The following NMNAT2 variants were observed in gnomAD, a reference collection of about 807,000 sequenced individuals.
NMNAT2 encodes the protein nicotinamide nucleotide adenylyltransferase 2, also known as nicotinamide/nicotinic acid mononucleotide adenylyltransferase 2.
In NMNAT2, 11 loss-of-function variants were observed where a neutral mutation model predicts 41.6. That is an observed-to-expected ratio of 0.26 (90% CI 0.17 to 0.44). The LOEUF (loss-of-function observed/expected upper bound fraction) is 0.44. Among genes scored for constraint, NMNAT2 ranks in the 20% least tolerant of loss-of-function variants. The pLI is 1.00. For missense variants in NMNAT2, 288 were observed against 407.7 expected (o/e 0.71, Z 2.53); for synonymous variants, 148 against 151.2 (o/e 0.98, Z 0.16).
chr1:183,327,821 G>A, intron 1 of NMNAT2, among the ~76,000 whole-genome samples: 1 of 152,150 alleles, frequency 6.6e-6, no homozygotes, highest in Non-Finnish European at 1.5e-5. Context: ...GTGTGTATGT[G>A]TGTTTTTCCC....
At chr1:183,378,703 A>ATATCAATAATCATTTAAAATGTG (rs1663730331) in intron 1 of NMNAT2, among the ~76,000 whole-genome samples, 1 of 152,226 alleles carries the variant, frequency 6.6e-6, no homozygotes, top group Non-Finnish European at 1.5e-5. Flanking sequence ...TAATCCAATC[A>ATATCAATAATCATTTAAAATGTG]TATCAATAAT....
intron 1 of NMNAT2, 146 bp downstream of exon 1, chr1:183,418,037 G>A (rs946169): frequency 0.014 from 10,002 of 729,432 alleles, 339 homozygotes; most frequent in African/African-American, 0.1. Flanking sequence ...AGTCCAAAAT[G>A]AAGGGGCCGA....
At chr1:183,279,032 CAG>C (rs1302296199) in intron 7 of NMNAT2, among the ~76,000 whole-genome samples, 3 of 152,208 alleles carry the variant, frequency 2.0e-5, no homozygotes, top group Non-Finnish European at 4.4e-5. Context: ...CAAACGCCAA[CAG>C]AGTTTGGATT....
intron 8 of NMNAT2, among the ~76,000 whole-genome samples, chr1:183,273,912 C>G (rs932169369): frequency 1.6e-5 from 2 of 125,554 alleles, no homozygotes; most frequent in Non-Finnish European, 3.2e-5. Context: ...TCCTCCCTCC[C>G]TCCCTTCTTT....
intron 1 of NMNAT2, among the ~76,000 whole-genome samples, chr1:183,366,882 C>T (rs981291118): frequency 2.6e-5 from 4 of 152,136 alleles, no homozygotes; most frequent in Admixed American, 2.0e-4. Flanking sequence ...CCAAGCAAAA[C>T]CGGCTTATCT....
chr1:183,304,989 C>T (rs1571587278), intron 1 of NMNAT2: 17 of 695,066 alleles, frequency 2.4e-5, no homozygotes, highest in South Asian at 1.4e-4. Flanking sequence ...GGAGCCACTC[C>T]GGAAGTGTGG....
intron 8 of NMNAT2, among the ~76,000 whole-genome samples, chr1:183,274,101 T>C (rs558873085): frequency 5.7e-4 from 87 of 151,714 alleles, no homozygotes; most frequent in African/African-American, 2.1e-3. Flanking sequence ...TTAGTAGAGA[T>C]GGGGTTTTAC....
chr1:183,336,889 C>T (rs79366224), intron 1 of NMNAT2, among the ~76,000 whole-genome samples: 4,891 of 152,254 alleles, frequency 0.032, 213 homozygotes, highest in African/African-American at 0.097. Flanking sequence ...CAAAAGGATA[C>T]AATCTACTAC....
At chr1:183,319,294 G>T (rs1425851840) in intron 1 of NMNAT2, among the ~76,000 whole-genome samples, 1 of 152,194 alleles carries the variant, frequency 6.6e-6, no homozygotes, top group Non-Finnish European at 1.5e-5. Context: ...TGAAAGTCCT[G>T]CCCTGGAGGC....
intron 1 of NMNAT2, among the ~76,000 whole-genome samples, chr1:183,414,977 G>A (rs951650087): frequency 1.3e-5 from 2 of 151,136 alleles, no homozygotes; most frequent in African/African-American, 4.9e-5. Flanking sequence ...CTTAAAGAAA[G>A]CTTGAAAAAA....
chr1:183,268,912 T>C (rs553501347), intron 8 of NMNAT2, among the ~76,000 whole-genome samples: 3 of 151,850 alleles, frequency 2.0e-5, no homozygotes, highest in Non-Finnish European at 4.4e-5. Flanking sequence ...ATTAGCTGAG[T>C]GTGTTGGCAC....
At chr1:183,364,666 TCTTA>T (rs993767575) in intron 1 of NMNAT2, among the ~76,000 whole-genome samples, 6 of 150,352 alleles carry the variant, frequency 4.0e-5, no homozygotes, top group African/African-American at 7.3e-5. Flanking sequence ...TTTCTTTCTT[TCTTA>T]CTTTCTTTCT....
intron 1 of NMNAT2, among the ~76,000 whole-genome samples, chr1:183,366,915 G>A (rs1571622027): frequency 6.6e-6 from 1 of 152,240 alleles, no homozygotes; most frequent in African/African-American, 2.4e-5. Context: ...TCAGACATCA[G>A]CTTCACTGGG....
chr1:183,351,285 G>A (rs1663041473), intron 1 of NMNAT2, among the ~76,000 whole-genome samples: 1 of 152,214 alleles, frequency 6.6e-6, no homozygotes, highest in African/African-American at 2.4e-5. Flanking sequence ...CTGTTCCCTT[G>A]ATGCTAGACC....
chr1:183,263,955 G>A (rs1660736248), intron 8 of NMNAT2, among the ~76,000 whole-genome samples: 1 of 152,138 alleles, frequency 6.6e-6, no homozygotes, highest in Non-Finnish European at 1.5e-5. Flanking sequence ...AAGCTCCGGG[G>A]AAATTGGCAG....
chr1:183,394,800 G>T (rs1044066088), intron 1 of NMNAT2, among the ~76,000 whole-genome samples: 4 of 152,164 alleles, frequency 2.6e-5, no homozygotes, highest in African/African-American at 9.7e-5. Context: ...AGATGTCTTC[G>T]CAAGTCACTC....
chr1:183,280,446 G>A (rs969060058), intron 7 of NMNAT2, among the ~76,000 whole-genome samples: 1 of 151,930 alleles, frequency 6.6e-6, no homozygotes, highest in African/African-American at 2.4e-5. Context: ...GGAGTGCAGT[G>A]ACACGATCTT....
intron 1 of NMNAT2, among the ~76,000 whole-genome samples, chr1:183,414,188 G>A (rs890993436): frequency 1.3e-5 from 2 of 152,188 alleles, no homozygotes; most frequent in Admixed American, 6.5e-5. Context: ...AGCAGAAACA[G>A]GAGTTTGAGG....
At chr1:183,281,808 C>T (rs1571570793) in intron 7 of NMNAT2, among the ~76,000 whole-genome samples, 1 of 152,228 alleles carries the variant, frequency 6.6e-6, no homozygotes, top group Non-Finnish European at 1.5e-5. Context: ...GAGAAAATGG[C>T]TTTTCCTCCT....
Sources: allele counts gnomAD v4.1 joint callset (sites outside exome capture counted in the v4.1 genomes callset), GRCh38; gene constraint gnomAD v4.1.1; transcripts MANE v1.5; gene names NCBI Gene and HGNC (gene_info 2026-07-23, HGNC 2026-07-21).